The following OSBP2 variants were observed in gnomAD, a reference collection of about 807,000 sequenced individuals.
OSBP2 encodes the protein oxysterol-binding protein 2.
A neutral mutation model predicts 96.0 loss-of-function variants in OSBP2; 66 were observed. The observed-to-expected ratio is 0.69, with a 90% CI of 0.56 to 0.84. OSBP2 has a LOEUF of 0.84. OSBP2 is among the 40% of genes least tolerant of loss of function. The pLI is 0.00. For missense variants in OSBP2, 1,038 were observed against 1,222.7 expected (o/e 0.85, Z 2.25); for synonymous variants, 525 against 520.9 (o/e 1.01, Z -0.11).
chr22:30,759,492 TAAAC>T (rs1283535730), intron 2 of OSBP2, among the ~76,000 whole-genome samples: 1 of 151,818 alleles, frequency 6.6e-6, no homozygotes, highest in Non-Finnish European at 1.5e-5. Context: ...AGGAATGAAA[TAAAC>T]AATTAATAGC....
rs749086644 is a variant in OSBP2 at position 30,889,631 on chromosome 22, ATGCC to A, written c.1619_1622del (p.Met540ArgfsTer2). On this transcript the variant is annotated frameshift_variant and splice_region_variant, in exon 7 of 14. Transcript: ENST00000332585. LOFTEE classifies it high-confidence loss of function. ...CGGCCGGGAGCTCTCCAGGATCCCC[ATGCC>A]GGTGGGTGGCTCGGGCAGGGCAGCC... is the stretch of plus-strand genomic sequence containing the variant. The A allele has an allele frequency of 1.3e-5, 21 of 1,613,866 alleles. 1 individual carries two copies. The highest frequency in any genetic ancestry group is 1.3e-5 in the Non-Finnish European group (15 of 1,179,994).
chr22:30,707,542 G>A (rs374026787), intron 1 of OSBP2, among the ~76,000 whole-genome samples: 4 of 151,192 alleles, frequency 2.6e-5, no homozygotes, highest in East Asian at 4.1e-4. Flanking sequence ...GTGAAACCCC[G>A]TCTCTACTAA....
At chr22:30,787,732 TC>T (rs1437501608) in intron 2 of OSBP2, among the ~76,000 whole-genome samples, 1 of 152,160 alleles carries the variant, frequency 6.6e-6, no homozygotes, top group Non-Finnish European at 1.5e-5. Context: ...TCAGTTACCT[TC>T]CACAGAGTCC....
At chr22:30,900,555 T>C (rs2040173202) in intron 12 of OSBP2, among the ~76,000 whole-genome samples, 1 of 151,922 alleles carries the variant, frequency 6.6e-6, no homozygotes, top group Non-Finnish European at 1.5e-5. Context: ...CAGAGAGGAC[T>C]TACCCTACTA....
At chr22:30,899,728 A>G (rs865822717) in intron 12 of OSBP2, among the ~76,000 whole-genome samples, 40 of 152,346 alleles carry the variant, frequency 2.6e-4, no homozygotes, top group Middle Eastern at 6.8e-3. Flanking sequence ...TATATAAGCA[A>G]AAATCTAAAA....
chr22:30,872,162 T>C, intron 3 of OSBP2: 1 of 450,468 alleles, frequency 2.2e-6, no homozygotes, highest in South Asian at 1.6e-5. Context: ...CATTGTCACC[T>C]GCACTGTTTT....
chr22:30,802,672 T>C (rs2090867620), intron 2 of OSBP2, among the ~76,000 whole-genome samples: 1 of 152,240 alleles, frequency 6.6e-6, no homozygotes, highest in South Asian at 2.1e-4. Flanking sequence ...AGAAGAAGGC[T>C]AATCCCAGCC....
At chr22:30,854,039 G>T (rs1365339350) in intron 2 of OSBP2, among the ~76,000 whole-genome samples, 1 of 152,144 alleles carries the variant, frequency 6.6e-6, no homozygotes, top group African/African-American at 2.4e-5. Flanking sequence ...GATTACAGGT[G>T]TGAGCCACTG....
At chr22:30,838,224 C>T (rs913460131) in intron 2 of OSBP2, among the ~76,000 whole-genome samples, 1 of 152,106 alleles carries the variant, frequency 6.6e-6, no homozygotes, top group Non-Finnish European at 1.5e-5. Context: ...ATGCACATCC[C>T]GAGCATGCAG....
At chr22:30,790,056 A>G (rs1281875970) in intron 2 of OSBP2, among the ~76,000 whole-genome samples, 1 of 152,132 alleles carries the variant, frequency 6.6e-6, no homozygotes, top group Non-Finnish European at 1.5e-5. Context: ...TCTCCGTGCT[A>G]CAAGGTGACT....
intron 12 of OSBP2, among the ~76,000 whole-genome samples, chr22:30,895,918 G>GA (rs949544209): frequency 3.8e-4 from 54 of 142,652 alleles, no homozygotes; most frequent in African/African-American, 8.7e-4. Flanking sequence ...AGCCTGGGAG[G>GA]AAAAAAAAAA....
rs117821044 is a variant in OSBP2 at position 30,793,734 on chromosome 22, C to G, written c.853+52365C>G. 2.2e-4 allele frequency among the ~76,000 whole-genome samples: 34 copies of G among 152,280 alleles called. 1 individual carries two copies. The East Asian group carries it at 6.6e-3, about 29-fold the overall frequency. ...AATTAGACCCACGTGGTGGTGCACA[C>G]CTATAGTCCTAGTCATTTGGGAGGC... On this transcript the variant is annotated intron_variant, in intron 2 of 13. Coordinates refer to ENST00000332585, the MANE Select transcript of OSBP2 (RefSeq NM_030758.4).
At chr22:30,883,942 G>A (rs888184606) in intron 3 of OSBP2, among the ~76,000 whole-genome samples, 1 of 152,166 alleles carries the variant, frequency 6.6e-6, no homozygotes, top group African/African-American at 2.4e-5. Context: ...GGGTGAAGCA[G>A]GACGGCCGCT....
At chr22:30,865,797 C>A (rs1232913999) in intron 2 of OSBP2, among the ~76,000 whole-genome samples, 1 of 152,160 alleles carries the variant, frequency 6.6e-6, no homozygotes, top group Non-Finnish European at 1.5e-5. Flanking sequence ...CCACTAATAT[C>A]CCCGGTGTAA....
chr22:30,735,478 A>G lies in OSBP2; in HGVS notation c.645-5683A>G, dbSNP rs531989375. Among the ~76,000 whole-genome samples, 14 of 134,018 alleles carry G rather than the reference A, an allele frequency of 1.0e-4. 1 individual carries two copies. In the South Asian group the frequency reaches 3.2e-3, roughly 30 times the overall value. The allele number at this position is 134,018 out of a possible 152,430, so 87.9% of individuals were successfully genotyped here. A position where few individuals can be genotyped will look rare whatever the true frequency, so the allele number is the denominator to read the frequency against. On this transcript the variant is annotated intron_variant, in intron 1 of 13. Transcript: ENST00000332585. The stretch of plus-strand genomic sequence containing the variant: ...TCACCCAGGCTGGAATGCCTGGCTA[A>G]TTTTTGTGGTTTCTGTAAAGACAGG...
At chr22:30,899,464 A>G (rs2147183467) in intron 12 of OSBP2, among the ~76,000 whole-genome samples, 1 of 152,178 alleles carries the variant, frequency 6.6e-6, no homozygotes, top group South Asian at 2.1e-4. Flanking sequence ...GAATAGTCCT[A>G]TAATAAAGTA....
Position 30,870,798 on chromosome 22 carries a change from C to A in OSBP2, c.1107+116C>A, listed in dbSNP as rs1253373119. ...CAGCGTTCCATTTCCTGCGGTTCCA[C>A]GGTGTTTCCCAAAGCCAGCGCCCCC... On this transcript the variant is annotated intron_variant, in intron 3 of 13. Transcript: ENST00000332585. The surrounding 1 kb of genome is among the most constrained non-coding windows in gnomAD (Gnocchi z 4.1). 6.2e-6 allele frequency: 7 copies of A among 1,125,858 alleles called. No homozygotes were observed. The highest frequency in any genetic ancestry group is 8.8e-6 in the Non-Finnish European group (7 of 796,230). 69.7% of individuals were successfully genotyped at this position (1,125,858 alleles called of 1,614,324 possible). A position where few individuals can be genotyped will look rare whatever the true frequency, so the allele number is the denominator to read the frequency against.
intron 2 of OSBP2, among the ~76,000 whole-genome samples, chr22:30,807,736 G>A (rs539173624): frequency 5.0e-4 from 76 of 152,218 alleles, no homozygotes; most frequent in African/African-American, 1.8e-3. Context: ...TTCTTTCCCT[G>A]CCTAAATCCA....
intron 1 of OSBP2, among the ~76,000 whole-genome samples, chr22:30,736,742 C>T (rs2089861653): frequency 6.6e-6 from 1 of 152,208 alleles, no homozygotes; most frequent in Admixed American, 6.5e-5. Flanking sequence ...AAACTCCAAA[C>T]ATTATTCAAA....
Sources: gnomAD v4.1 joint callset for allele counts (sites outside exome capture counted in the v4.1 genomes callset) on GRCh38, gnomAD v4.1.1 for gene constraint, Gnocchi (gnomAD v3.1) non-coding constraint, MANE v1.5 for transcripts, NCBI Gene and HGNC (gene_info 2026-07-23, HGNC 2026-07-21) for gene names.